Variants in CTBP2 observed in about 807,000 individuals in gnomAD.
CTBP2 encodes the protein C-terminal-binding protein 2.
Under a neutral mutation model 80.3 loss-of-function variants are expected in CTBP2, and 30 were observed. The observed-to-expected ratio is 0.37, with a 90% CI of 0.28 to 0.51. CTBP2 has a LOEUF of 0.51. CTBP2 is among the 20% of genes least tolerant of loss of function. The pLI, the probability that CTBP2 is intolerant of heterozygous loss-of-function variation, is 0.93. For missense variants in CTBP2, 1,212 were observed against 1,375.3 expected, an observed-to-expected ratio of 0.88 and a Z score of 1.88; for synonymous variants, 594 against 587.4, an observed-to-expected ratio of 1.01 and a Z score of -0.16.
At chr10:125,089,542 C>T (rs1240072461) in intron 2 of CTBP2, among the ~76,000 whole-genome samples, 1 of 152,170 alleles carries the variant, frequency 6.6e-6, no homozygotes, top group Non-Finnish European at 1.5e-5. Context: ...GTTTCTCTTT[C>T]TGAGTCTACA....
In CTBP2 at chr10:125,054,748, T is replaced by C. The variant is rs530536889; in HGVS notation, c.-101-15593A>G. Among the ~76,000 whole-genome samples, 3 of 152,352 alleles carry C rather than the reference T, an allele frequency of 2.0e-5. No homozygotes were observed. In the East Asian group the frequency reaches 5.8e-4, roughly 29 times the overall value. ...AAAACAGTAATACATTTGTAATGCA[T>C]GGCGTCTAGTTTATACTACCTACAG... On this transcript the variant is annotated intron_variant, in intron 2 of 10. Transcript: ENST00000337195.
chr10:125,153,555 TC>T (rs1860384032), intron 1 of CTBP2, among the ~76,000 whole-genome samples: 1 of 152,134 alleles, frequency 6.6e-6, no homozygotes, highest in Non-Finnish European at 1.5e-5. Flanking sequence ...TGCTCTGTTT[TC>T]CCCTCCAAAC....
intron 4 of CTBP2, among the ~76,000 whole-genome samples, chr10:124,995,750 A>C (rs1565021330): frequency 6.6e-6 from 1 of 152,264 alleles, no homozygotes; most frequent in East Asian, 1.9e-4. Flanking sequence ...CCTCAGTGTC[A>C]CCCTTTACAG....
At chr10:125,156,309 C>T (rs1417863750) in intron 1 of CTBP2, among the ~76,000 whole-genome samples, 1 of 152,190 alleles carries the variant, frequency 6.6e-6, no homozygotes, top group Non-Finnish European at 1.5e-5. Flanking sequence ...GCTGCATGCA[C>T]ATACATTATG....
chr10:124,994,229 A>G (rs573882484), intron 5 of CTBP2, among the ~76,000 whole-genome samples: 1 of 152,190 alleles, frequency 6.6e-6, no homozygotes, highest in Non-Finnish European at 1.5e-5. Context: ...TGGCCTCTTT[A>G]AAGGTTCTGG....
At chr10:125,122,539 T>C (rs1159776687) in intron 1 of CTBP2, 1 of 152,248 alleles carries the variant, frequency 6.6e-6, no homozygotes, top group Non-Finnish European at 1.5e-5. Context: ...GTATTATTAT[T>C]CTGAGAGCAT....
chr10:125,030,359 C>T (rs548443918), upstream of CTBP2, among the ~76,000 whole-genome samples: 226 of 152,164 alleles, frequency 1.5e-3, 1 homozygote, highest in Non-Finnish European at 2.7e-3. Context: ...GGGAGAGAGG[C>T]GATGTCCACC....
intron 2 of CTBP2, chr10:125,088,416 T>C (rs138626340): frequency 6.6e-6 from 1 of 152,244 alleles, no homozygotes; most frequent in Non-Finnish European, 1.5e-5. Context: ...ATACAAAGAA[T>C]GTCTCTTTAC....
chr10:125,154,344 A>G (rs1196037058), intron 1 of CTBP2, among the ~76,000 whole-genome samples: 1 of 152,218 alleles, frequency 6.6e-6, no homozygotes, highest in Non-Finnish European at 1.5e-5. Context: ...TCAGGGGCAG[A>G]CAACAGCAGC....
intron 1 of CTBP2, among the ~76,000 whole-genome samples, chr10:125,142,861 C>T (rs965165401): frequency 1.3e-5 from 2 of 152,148 alleles, no homozygotes; most frequent in East Asian, 1.9e-4. Context: ...GATGCAGCTC[C>T]GCTTCAGATG....
chr10:125,015,129 G>A (rs945392719), intron 1 of CTBP2, among the ~76,000 whole-genome samples: 16 of 152,218 alleles, frequency 1.1e-4, no homozygotes, highest in Non-Finnish European at 2.1e-4. Flanking sequence ...TCATAGCGCA[G>A]TAATGGGGAA....
intron 4 of CTBP2, chr10:124,997,075 G>C (rs1038612733): frequency 6.6e-6 from 1 of 152,384 alleles, no homozygotes; most frequent in Admixed American, 6.5e-5. Flanking sequence ...CGTCCTCGGA[G>C]GCGCGGAGCT....
chr10:125,103,796 CG>C (rs1851019434), intron 2 of CTBP2, among the ~76,000 whole-genome samples: 1 of 151,890 alleles, frequency 6.6e-6, no homozygotes, highest in South Asian at 2.1e-4. Flanking sequence ...CTGCAGTGTC[CG>C]GGAAAGAGGC....
intron 2 of CTBP2, among the ~76,000 whole-genome samples, chr10:125,082,515 C>A (rs576547516): frequency 2.6e-4 from 39 of 152,212 alleles, no homozygotes; most frequent in African/African-American, 8.9e-4. Flanking sequence ...TTTTTACTCC[C>A]CCATGAGGAG....
upstream of CTBP2, among the ~76,000 whole-genome samples, chr10:125,031,464 G>C (rs2134795187): frequency 7.3e-6 from 1 of 136,290 alleles, no homozygotes; most frequent in South Asian, 2.4e-4. Flanking sequence ...ATTCCAGCCT[G>C]GGCAACAGAG....
chr10:124,993,138 A>G (rs1301423150), intron 7 of CTBP2, 64 bp downstream of exon 9: 2 of 1,541,360 alleles, frequency 1.3e-6, no homozygotes, highest in Non-Finnish European at 1.8e-6. Context: ...CCAGCAGGAC[A>G]GGAGCCGGCT....
chr10:125,008,536 C>T (rs2134361459), intron 1 of CTBP2, among the ~76,000 whole-genome samples: 1 of 152,314 alleles, frequency 6.6e-6, no homozygotes, highest in East Asian at 1.9e-4. Context: ...CTGGAATTTG[C>T]CGGGTGCCGT....
chr10:125,073,313 G>A (rs1446894375), intron 2 of CTBP2, among the ~76,000 whole-genome samples: 2 of 152,194 alleles, frequency 1.3e-5, no homozygotes, highest in Non-Finnish European at 1.5e-5. Flanking sequence ...TTGGCTCACC[G>A]CAGCCTCCCG....
chr10:125,004,401 A>T (rs1473703647), intron 1 of CTBP2, among the ~76,000 whole-genome samples: 1 of 152,158 alleles, frequency 6.6e-6, no homozygotes, highest in East Asian at 1.9e-4. Flanking sequence ...CTGTGCAGCA[A>T]ACCCAGCAGG....
Sources: gnomAD v4.1 joint callset for allele counts (sites outside exome capture counted in the v4.1 genomes callset) on GRCh38, gnomAD v4.1.1 for gene constraint, MANE v1.5 for transcripts, NCBI Gene and HGNC (gene_info 2026-07-23, HGNC 2026-07-21) for gene names.